Variants in FNBP1 observed in about 807,000 individuals in gnomAD.
FNBP1 encodes the protein formin binding protein 1.
In FNBP1, 26 loss-of-function variants were observed where a neutral mutation model predicts 90.6. That is an observed-to-expected ratio of 0.29 (90% CI 0.21 to 0.40). The LOEUF (loss-of-function observed/expected upper bound fraction) is 0.40, where lower values mean the gene tolerates loss of function less well. Among genes scored for constraint, FNBP1 ranks in the 10% least tolerant of loss-of-function variants. FNBP1 has a pLI of 1.00. For synonymous variants in FNBP1, 260 were observed against 265.2 expected (o/e 0.98, Z 0.19); for missense variants, 635 against 768.0 (o/e 0.83, Z 2.05).
intron 16 of FNBP1, among the ~76,000 whole-genome samples, chr9:129,894,080 G>C (rs575298745): frequency 3.3e-5 from 5 of 152,148 alleles, no homozygotes; most frequent in African/African-American, 4.8e-5. Context: ...AAATGGACTT[G>C]AGCTGATCAA....
rs1216398298 is a variant in FNBP1 at position 129,893,612 on chromosome 9, C to CAAAAAAAAAAAAAA, written c.1846+2212_1846+2225dup. Among the ~76,000 whole-genome samples the CAAAAAAAAAAAAAA allele has an allele frequency of 3.6e-3, 81 of 22,314 alleles. 36 individuals are homozygous for CAAAAAAAAAAAAAA. Among genetic ancestry groups the CAAAAAAAAAAAAAA allele is most frequent in the South Asian group, 0.012 (5 of 414 alleles). The allele number at this position is 22,314 out of a possible 152,430, so 14.6% of individuals were successfully genotyped here. A position where few individuals can be genotyped will look rare whatever the true frequency, so the allele number is the denominator to read the frequency against. ...TAGGTGACAGAGTGAGACTCTGTCT[C>CAAAAAAAAAAAAAA]AAAAAAAAAAAAAAAAAAAAAAAAA... On this transcript the variant is annotated intron_variant, in intron 16 of 16. Transcript: ENST00000446176.
chr9:130,041,893 C>T lies in FNBP1; in HGVS notation c.24+1059G>A, dbSNP rs989759969. On this transcript the variant is annotated intron_variant, in intron 1 of 16. Transcript: ENST00000446176. This position sits in a 1 kb window ranked among gnomAD's most constrained non-coding sequence, Gnocchi z 4.3. ...ATAGCAACACCACCCTACACTTTCTCCTCCACACCCTTTGCAAATAGAATT... is the reference window on the plus strand; with the variant it reads ...ATAGCAACACCACCCTACACTTTCTTCTCCACACCCTTTGCAAATAGAATT... Among the ~76,000 whole-genome samples the T allele has an allele frequency of 6.6e-6, 1 of 152,210 alleles. No individual in the cohort carries two copies. The highest frequency in any genetic ancestry group is 1.5e-5 in the Non-Finnish European group (1 of 68,028).
intron 1 of FNBP1, among the ~76,000 whole-genome samples, chr9:130,021,175 T>C (rs2057795214): frequency 6.6e-6 from 1 of 152,232 alleles, no homozygotes. Flanking sequence ...AGAAATCTCA[T>C]GCCTATTAAA....
At chr9:129,899,833 TAGGAAGGA>T (rs773228677) in intron 15 of FNBP1, 124 bp downstream of exon 15, 3 of 668,766 alleles carry the variant, frequency 4.5e-6, no homozygotes, top group Non-Finnish European at 6.6e-6. Context: ...GAAGGGAAGG[TAGGAAGGA>T]AGGAAGGAAG....
chr9:129,951,694 C>G (rs1041956832), intron 6 of FNBP1, among the ~76,000 whole-genome samples: 1 of 151,936 alleles, frequency 6.6e-6, no homozygotes, highest in Non-Finnish European at 1.5e-5. Context: ...ATCCTCCCGC[C>G]TTGGCCTTCC....
intron 10 of FNBP1, among the ~76,000 whole-genome samples, chr9:129,916,880 C>G (rs2040337683): frequency 6.6e-6 from 1 of 152,208 alleles, no homozygotes; most frequent in Non-Finnish European, 1.5e-5. Context: ...CCTCTCGCAG[C>G]CAGGCTAGAG....
At chr9:129,948,350 T>G (rs892704570) in intron 6 of FNBP1, among the ~76,000 whole-genome samples, 5 of 139,578 alleles carry the variant, frequency 3.6e-5, no homozygotes, top group African/African-American at 1.0e-4. Context: ...ACACCTATTT[T>G]GGTGTCTTTT....
chr9:129,908,835 T>G, intron 12 of FNBP1, 55 bp downstream of exon 12: 5 of 1,171,492 alleles, frequency 4.3e-6, no homozygotes, highest in Non-Finnish European at 6.3e-6. Flanking sequence ...TTACAGGTTG[T>G]GAGCCACTGC....
intron 4 of FNBP1, among the ~76,000 whole-genome samples, chr9:129,964,619 G>T (rs2048303127): frequency 6.7e-6 from 1 of 148,346 alleles, no homozygotes; most frequent in African/African-American, 2.5e-5. Context: ...AAATCACAGA[G>T]AATCTAAAAT....
intron 4 of FNBP1, among the ~76,000 whole-genome samples, chr9:129,969,232 A>AC (rs1180665746): frequency 6.6e-6 from 1 of 152,210 alleles, no homozygotes; most frequent in Non-Finnish European, 1.5e-5. Flanking sequence ...ATAAGTCTGT[A>AC]AATCTATTGA....
intron 6 of FNBP1, among the ~76,000 whole-genome samples, chr9:129,950,144 G>A (rs1353154677): frequency 2.0e-5 from 3 of 152,204 alleles, no homozygotes; most frequent in Admixed American, 6.5e-5. Context: ...TTAGCTTGAC[G>A]CTGACATAAG....
At chr9:129,947,984 TA>T (rs540379042) in intron 6 of FNBP1, among the ~76,000 whole-genome samples, 7,118 of 134,858 alleles carry the variant, frequency 0.053, 263 homozygotes, top group African/African-American at 0.12. Flanking sequence ...CCCTTAAATT[TA>T]AAAAAAAAAA....
intron 6 of FNBP1, among the ~76,000 whole-genome samples, chr9:129,950,388 G>T (rs952323049): frequency 2.0e-5 from 3 of 152,192 alleles, no homozygotes; most frequent in Admixed American, 6.5e-5. Flanking sequence ...TGCTCCCAGT[G>T]TAAGAAAAAG....
chr9:129,924,395 G>C (rs547533987), intron 9 of FNBP1, among the ~76,000 whole-genome samples: 14 of 152,334 alleles, frequency 9.2e-5, no homozygotes, highest in African/African-American at 3.4e-4. Context: ...TCAATGCTAA[G>C]GTTGTGGAAA....
intron 1 of FNBP1, among the ~76,000 whole-genome samples, chr9:130,034,323 A>C (rs992767996): frequency 6.6e-6 from 1 of 151,500 alleles, no homozygotes; most frequent in Non-Finnish European, 1.5e-5. Flanking sequence ...AAAAAAAAAA[A>C]AAAAAACAAG....
intron 4 of FNBP1, among the ~76,000 whole-genome samples, chr9:129,965,075 G>A (rs964937295): frequency 6.6e-6 from 1 of 152,174 alleles, no homozygotes; most frequent in African/African-American, 2.4e-5. Context: ...TTGAACAGGA[G>A]CAGCTTCCAA....
intron 4 of FNBP1, among the ~76,000 whole-genome samples, chr9:129,977,678 G>C (rs2050549971): frequency 6.6e-6 from 1 of 151,926 alleles, no homozygotes; most frequent in African/African-American, 2.4e-5. Context: ...TTTTAGTAGA[G>C]AAGGGGTTTC....
chr9:130,034,092 C>CAGGTA (rs1435160094), intron 1 of FNBP1, among the ~76,000 whole-genome samples: 1 of 151,178 alleles, frequency 6.6e-6, no homozygotes, highest in East Asian at 1.9e-4. Context: ...GAGGCCAAGG[C>CAGGTA]AGGTAGATCA....
intron 2 of FNBP1, among the ~76,000 whole-genome samples, chr9:129,981,449 T>G (rs1408994826): frequency 6.6e-6 from 1 of 152,206 alleles, no homozygotes; most frequent in African/African-American, 2.4e-5. Context: ...ACTTCCTTGT[T>G]AATTCCCTGT....
Sources: gnomAD v4.1 joint callset for allele counts (sites outside exome capture counted in the v4.1 genomes callset) on GRCh38, gnomAD v4.1.1 for gene constraint, Gnocchi (gnomAD v3.1) non-coding constraint, MANE v1.5 for transcripts, NCBI Gene and HGNC (gene_info 2026-07-23, HGNC 2026-07-21) for gene names.